TMEM178B: variants seen among roughly 807,000 people sequenced by gnomAD.
TMEM178B encodes transmembrane protein 178B.
TMEM178B carries 5 observed loss-of-function variants against 31.0 expected under a neutral mutation model. The observed-to-expected ratio is 0.16, with a 90% CI of 0.08 to 0.34. The LOEUF is 0.34. Among genes scored for constraint, TMEM178B ranks in the 10% least tolerant of loss-of-function variants. TMEM178B has a pLI of 1.00. For missense variants in TMEM178B, 275 were observed against 400.3 expected (o/e 0.69, Z 2.67); for synonymous variants, 164 against 164.0 (o/e 1.00, Z 0.00).
intron 2 of TMEM178B, among the ~76,000 whole-genome samples, chr7:141,366,651 A>C (rs1249135841): frequency 6.6e-6 from 1 of 151,756 alleles, no homozygotes; most frequent in African/African-American, 2.4e-5. Context: ...CATTTTGTTT[A>C]GTTTTCTATA....
chr7:141,118,232 C>T (rs947659082), intron 1 of TMEM178B, among the ~76,000 whole-genome samples: 1 of 152,108 alleles, frequency 6.6e-6, no homozygotes, highest in African/African-American at 2.4e-5. Context: ...TTAGGTTGGC[C>T]TCCAACTCAA....
chr7:141,282,853 T>C (rs1798387950), intron 2 of TMEM178B, among the ~76,000 whole-genome samples: 1 of 152,110 alleles, frequency 6.6e-6, no homozygotes, highest in Admixed American at 6.5e-5. Flanking sequence ...CCAACTGCAT[T>C]GGGATGAAAA....
the TMEM178B span, among the ~76,000 whole-genome samples, chr7:141,496,669 CAAAAAAAA>C: frequency 3.0e-5 from 1 of 33,266 alleles, no homozygotes; most frequent in African/African-American, 1.1e-4. Flanking sequence ...GACTCCGTCT[CAAAAAAAA>C]AAAAAAAAAA....
intron 1 of TMEM178B, among the ~76,000 whole-genome samples, chr7:141,154,333 G>A (rs1217270262): frequency 6.6e-6 from 1 of 152,258 alleles, no homozygotes; most frequent in Non-Finnish European, 1.5e-5. Flanking sequence ...CATGCCACAT[G>A]GGTCGCTGAG....
rs150990461 is a variant in TMEM178B at position 141,182,958 on chromosome 7, T to C, written c.383-29633T>C. ...TATTAACACTGTGAGAACGAACTAA[T>C]ACAGCTTTGAATAGTCAACATGTTG... On this transcript the variant is annotated intron_variant, in intron 1 of 3. Transcript: ENST00000565468. Among the ~76,000 whole-genome samples the C allele has an allele frequency of 6.6e-5, 10 of 152,338 alleles. No individual in the cohort carries two copies. In the East Asian group the frequency reaches 1.9e-3, roughly 29 times the overall value.
chr7:141,347,415 G>T (rs1158102267), intron 2 of TMEM178B, among the ~76,000 whole-genome samples: 1 of 152,126 alleles, frequency 6.6e-6, no homozygotes, highest in Non-Finnish European at 1.5e-5. Flanking sequence ...TTGGAGACAG[G>T]CATACAGTCT....
At chr7:141,374,915 A>G (rs1800185653) in intron 2 of TMEM178B, among the ~76,000 whole-genome samples, 2 of 152,234 alleles carry the variant, frequency 1.3e-5, no homozygotes, top group South Asian at 4.1e-4. Context: ...CCCAGGGCAC[A>G]CGACACCTTC....
chr7:141,493,525 C>T, the TMEM178B span, among the ~76,000 whole-genome samples: 57 of 152,278 alleles, frequency 3.7e-4, no homozygotes, highest in African/African-American at 1.1e-3. Context: ...AGCTGGAGCC[C>T]ACCTGCGGCT....
intron 2 of TMEM178B, among the ~76,000 whole-genome samples, chr7:141,220,956 C>A (rs1324479767): frequency 6.6e-6 from 1 of 152,148 alleles, no homozygotes; most frequent in Non-Finnish European, 1.5e-5. Flanking sequence ...AGGTGCCAAC[C>A]AGGTAAGGGC....
At chr7:141,433,526 A>T (rs1303910593) in intron 2 of TMEM178B, among the ~76,000 whole-genome samples, 1 of 152,202 alleles carries the variant, frequency 6.6e-6, no homozygotes, top group African/African-American at 2.4e-5. Context: ...CTTTCTAAGA[A>T]ATCTCTTAAC....
intron 2 of TMEM178B, among the ~76,000 whole-genome samples, chr7:141,406,616 T>C (rs768519872): frequency 6.6e-6 from 1 of 152,266 alleles, no homozygotes; most frequent in Non-Finnish European, 1.5e-5. Flanking sequence ...TGTGACTAAC[T>C]CCTAGAAAGA....
At chr7:141,383,345 T>C (rs1486862940) in intron 2 of TMEM178B, among the ~76,000 whole-genome samples, 1 of 151,018 alleles carries the variant, frequency 6.6e-6, no homozygotes, top group African/African-American at 2.5e-5. Flanking sequence ...ATTAGGTGTG[T>C]CTCCTAATGC....
intron 1 of TMEM178B, among the ~76,000 whole-genome samples, chr7:141,129,162 G>A (rs746154404): frequency 5.3e-5 from 8 of 152,280 alleles, no homozygotes; most frequent in East Asian, 1.9e-4. Flanking sequence ...ATGTTCATTC[G>A]TGTGTCCTGG....
In TMEM178B at chr7:141,344,341, T is replaced by A. The variant is rs1799570668; in HGVS notation, c.497-93267T>A. On this transcript the variant is annotated intron_variant, in intron 2 of 3. Coordinates refer to ENST00000565468, the MANE Select transcript of TMEM178B (RefSeq NM_001195278.2). The surrounding 1 kb of genome is among the most constrained non-coding windows in gnomAD (Gnocchi z 4.1). Reference sequence around the variant, plus strand: ...AAGATGTTGGTTTCAGATCTCTGACTTCAAGGCCTGAGCTCAGAACCCCTG... The same window carrying A: ...AAGATGTTGGTTTCAGATCTCTGACATCAAGGCCTGAGCTCAGAACCCCTG... 6.6e-6 allele frequency among the ~76,000 whole-genome samples: 1 copy of A among 152,172 alleles called. No homozygotes were observed. The highest frequency in any genetic ancestry group is 2.4e-5 in the African/African-American group (1 of 41,426).
intron 2 of TMEM178B, among the ~76,000 whole-genome samples, chr7:141,388,929 T>C (rs1359143133): frequency 6.6e-6 from 1 of 152,098 alleles, no homozygotes; most frequent in Non-Finnish European, 1.5e-5. Context: ...CTCATCTGCA[T>C]GAGTAGTATC....
At chr7:141,337,620 C>G (rs902738390) in intron 2 of TMEM178B, among the ~76,000 whole-genome samples, 1 of 152,112 alleles carries the variant, frequency 6.6e-6, no homozygotes, top group Non-Finnish European at 1.5e-5. Context: ...GTGATGAAGC[C>G]TCTGTTCTGG....
chr7:141,351,041 G>A (rs976907393), intron 2 of TMEM178B, among the ~76,000 whole-genome samples: 2 of 152,212 alleles, frequency 1.3e-5, no homozygotes, highest in Non-Finnish European at 1.5e-5. Context: ...ATGGAGTGCT[G>A]TGCAGCAGGA....
chr7:141,130,341 G>A (rs533689763), intron 1 of TMEM178B, among the ~76,000 whole-genome samples: 4 of 152,248 alleles, frequency 2.6e-5, no homozygotes, highest in East Asian at 3.9e-4. Context: ...GGTTTGTAGG[G>A]CATGACTCCC....
Position 141,146,749 on chromosome 7 carries a change from C to G in TMEM178B, c.383-65842C>G, listed in dbSNP as rs977824191. Among the ~76,000 whole-genome samples the G allele has an allele frequency of 2.0e-5, 3 of 152,188 alleles. No individual in the cohort carries two copies. In the South Asian group the frequency reaches 6.2e-4, roughly 32 times the overall value. On this transcript the variant is annotated intron_variant, in intron 1 of 3. Coordinates refer to ENST00000565468, the MANE Select transcript of TMEM178B (RefSeq NM_001195278.2). ...TGGTGAATGAATATATCCCAGTTAG[C>G]TCTTCCATGGTCATTCTTCCTTTCT...
Sources: gnomAD v4.1 joint callset for allele counts (sites outside exome capture counted in the v4.1 genomes callset) on GRCh38, gnomAD v4.1.1 for gene constraint, Gnocchi (gnomAD v3.1) non-coding constraint, MANE v1.5 for transcripts, NCBI Gene and HGNC (gene_info 2026-07-23, HGNC 2026-07-21) for gene names.